DNAH8: variants seen among roughly 807,000 people sequenced by gnomAD.
The protein encoded by DNAH8 is dynein axonemal heavy chain 8.
In DNAH8, 382 loss-of-function variants were observed where a neutral mutation model predicts 562.1. That is an observed-to-expected ratio of 0.68 (90% CI 0.63 to 0.74). The LOEUF (loss-of-function observed/expected upper bound fraction) is 0.74. Ranked by LOEUF, DNAH8 falls within the 30% of genes least tolerant of loss-of-function variation. The pLI, the probability that DNAH8 is intolerant of heterozygous loss-of-function variation, is 0.00. For synonymous variants in DNAH8, 1,881 were observed against 1,919.4 expected (o/e 0.98, Z 0.52); for missense variants, 5,203 against 5,620.4 (o/e 0.93, Z 2.37).
chr6:38,752,995 C>T (rs1198763610), intron 9 of DNAH8, among the ~76,000 whole-genome samples: 1 of 151,978 alleles, frequency 6.6e-6, no homozygotes, highest in Admixed American at 6.6e-5. Flanking sequence ...GGGTATATGA[C>T]ATGATGCTGA....
At chr6:38,987,615 T>C (rs1764487418) in intron 87 of DNAH8, among the ~76,000 whole-genome samples, 1 of 152,198 alleles carries the variant, frequency 6.6e-6, no homozygotes, top group Non-Finnish European at 1.5e-5. Context: ...TATTTTCCCA[T>C]TCATTTGCCC....
intron 11 of DNAH8, chr6:38,763,474 T>C (rs2127611502): frequency 3.4e-6 from 1 of 296,412 alleles, no homozygotes; most frequent in East Asian, 9.7e-5. Flanking sequence ...AAAACATTAG[T>C]TGATAATACA....
At chr6:38,748,380 T>C (rs892099903) in intron 8 of DNAH8, among the ~76,000 whole-genome samples, 5 of 152,140 alleles carry the variant, frequency 3.3e-5, no homozygotes, top group African/African-American at 1.2e-4. Flanking sequence ...CAAGAAGGTC[T>C]TCAGTGGTAA....
intron 9 of DNAH8, 147 bp downstream of exon 9, chr6:38,750,736 G>A (rs545716191): frequency 4.7e-6 from 2 of 427,064 alleles, no homozygotes; most frequent in African/African-American, 2.0e-5. Context: ...CTGCATTCCA[G>A]CTTGAGTGAC....
chr6:38,979,590 T>C (rs1763902043), intron 85 of DNAH8, among the ~76,000 whole-genome samples: 1 of 152,178 alleles, frequency 6.6e-6, no homozygotes. Flanking sequence ...TTTCCCAAGA[T>C]GAGCTAATCA....
Position 38,872,680 on chromosome 6 carries a change from A to G in DNAH8, c.7135A>G (p.Ile2379Val). 6.2e-7 allele frequency: 1 copy of G among 1,614,138 alleles called. No individual in the cohort carries two copies. The highest frequency in any genetic ancestry group is 1.3e-5 in the African/African-American group (1 of 75,066). Residue 2379 changes from isoleucine (I) to valine (V), a missense_variant, in exon 50 of 93, where the codon ATT (isoleucine) becomes GTT (valine). Physicochemically the swap from Ile to Val is conservative, Grantham distance 29. Transcript: ENST00000327475. ...AGAAATGCGAATGAATCCAAAAGCC[A>G]TTACTGCACCTCAGATGTTTGGCAG... Reference protein sequence around the residue: ...HREMRMNPKAITAPQMFGRLD... With the variant: ...HREMRMNPKAVTAPQMFGRLD...
intron 88 of DNAH8, among the ~76,000 whole-genome samples, chr6:38,999,413 TG>T (rs1765338491): frequency 6.6e-6 from 1 of 151,644 alleles, no homozygotes; most frequent in African/African-American, 2.4e-5. Flanking sequence ...TTTTTTTTTT[TG>T]TAGCTAGAAC....
chr6:38,905,248 A>G (rs1047586047), intron 62 of DNAH8, among the ~76,000 whole-genome samples: 1 of 152,178 alleles, frequency 6.6e-6, no homozygotes, highest in Non-Finnish European at 1.5e-5. Flanking sequence ...AGTCCTTGTC[A>G]TTAGCTTACC....
In DNAH8 at chr6:39,010,765, TTA is replaced by T. The variant is rs376519676; in HGVS notation, c.13372-1435_13372-1434del. Among the ~76,000 whole-genome samples, 547 of 142,016 alleles carry T rather than the reference TTA, an allele frequency of 3.9e-3. 1 individual carries two copies. The highest frequency in any genetic ancestry group is 0.012 in the African/African-American group (451 of 38,096). The allele number at this position is 142,016 out of a possible 152,430, so 93.2% of individuals were successfully genotyped here. A position where few individuals can be genotyped will look rare whatever the true frequency, so the allele number is the denominator to read the frequency against. On this transcript the variant is annotated intron_variant, in intron 89 of 92. Transcript: ENST00000327475. Reference sequence around the variant, plus strand: ...AAAGGGAATTATATATAGATATAATTTATATATATATATATACACACACACGC... The same window carrying T: ...AAAGGGAATTATATATAGATATAATTTATATATATATATACACACACACGC...
chr6:39,009,120 G>A, intron 89 of DNAH8, 150 bp downstream of exon 89: 1 of 525,882 alleles, frequency 1.9e-6, no homozygotes, highest in Non-Finnish European at 3.4e-6. Context: ...ACTAAACTCT[G>A]CATCTCTCAT....
intron 62 of DNAH8, among the ~76,000 whole-genome samples, chr6:38,902,622 C>G (rs926934505): frequency 2.8e-4 from 42 of 152,166 alleles, no homozygotes; most frequent in Non-Finnish European, 4.4e-5. Flanking sequence ...TCTGGGGATC[C>G]TTGAGTATAA....
chr6:38,954,285 G>A (rs1374930695), intron 82 of DNAH8, among the ~76,000 whole-genome samples: 2 of 152,090 alleles, frequency 1.3e-5, no homozygotes, highest in Admixed American at 6.6e-5. Context: ...AAAAACAAAC[G>A]AAAGAGAACA....
intron 7 of DNAH8, among the ~76,000 whole-genome samples, chr6:38,739,159 A>G (rs192659432): frequency 5.3e-4 from 80 of 152,186 alleles, no homozygotes; most frequent in Admixed American, 1.0e-3. Flanking sequence ...TTATCATACT[A>G]CATTTTTGGA....
chr6:38,954,167 A>G (rs148186095), intron 82 of DNAH8, among the ~76,000 whole-genome samples: 12 of 152,322 alleles, frequency 7.9e-5, no homozygotes, highest in African/African-American at 2.9e-4. Flanking sequence ...TACTGGGTAC[A>G]TGGGCAAAGT....
At chr6:38,879,306 CA>C (rs1029294971) in intron 53 of DNAH8, among the ~76,000 whole-genome samples, 5 of 112,216 alleles carry the variant, frequency 4.5e-5, no homozygotes, top group East Asian at 7.7e-4. Context: ...AAAACAAAAA[CA>C]AAAAAAACTA....
Position 38,722,937 on chromosome 6 carries a change from C to T in DNAH8, c.128C>T (p.Ala43Val), listed in dbSNP as rs1395830207. 6.2e-7 allele frequency: 1 copy of T among 1,612,604 alleles called. No individual in the cohort carries two copies. Among genetic ancestry groups the T allele is most frequent in the East Asian group, 2.2e-5 (1 of 44,882 alleles). ...APRPPTVEAPAEDGFSPSAED... is the reference protein window; with the variant it reads ...APRPPTVEAPVEDGFSPSAED... Reference sequence around the variant, plus strand: ...CGCCCTCCGACAGTGGAGGCCCCGGCAGAAGATGGTTTCTCTCCTTCCGCA... The same window carrying T: ...CGCCCTCCGACAGTGGAGGCCCCGGTAGAAGATGGTTTCTCTCCTTCCGCA... The change falls in exon 2 of 93, where the codon GCA (alanine) becomes GTA (valine). Residue 43 changes from alanine to valine, a missense_variant. Ala to Val is a moderately conservative substitution (Grantham distance 64, BLOSUM62 0). Around this residue, in one of 6 missense-constraint regions of DNAH8, gnomAD observed 556 missense variants for 496.9 expected, o/e 1.12. Transcript: ENST00000327475.
chr6:38,994,658 T>C (rs1036478900), intron 88 of DNAH8, among the ~76,000 whole-genome samples: 11 of 150,436 alleles, frequency 7.3e-5, no homozygotes, highest in African/African-American at 2.7e-4. Flanking sequence ...TCTTTTTTTT[T>C]TTTTTTTGAG....
chr6:39,010,814 C>A (rs1766152327), intron 89 of DNAH8, among the ~76,000 whole-genome samples: 1 of 134,134 alleles, frequency 7.5e-6, no homozygotes, highest in Non-Finnish European at 1.6e-5. Flanking sequence ...CACACACACA[C>A]ACACACGTAT....
At chr6:38,777,558 G>A (rs1336646994) in intron 13 of DNAH8, among the ~76,000 whole-genome samples, 4 of 152,182 alleles carry the variant, frequency 2.6e-5, no homozygotes, top group East Asian at 3.9e-4. Context: ...TTTGGGTACC[G>A]GGAGTTTGGA....
Sources: gnomAD v4.1 joint callset for allele counts (sites outside exome capture counted in the v4.1 genomes callset) on GRCh38, gnomAD v4.1.1 for gene constraint, gnomAD v4.1.1 regional missense constraint, MANE v1.5 for transcripts, NCBI Gene and HGNC (gene_info 2026-07-23, HGNC 2026-07-21) for gene names.